NPAS3: variants seen among roughly 807,000 people sequenced by gnomAD.
The protein encoded by NPAS3 is neuronal PAS domain protein 3.
Under a neutral mutation model 73.1 loss-of-function variants are expected in NPAS3, and 14 were observed. That is an observed-to-expected ratio of 0.19 (90% confidence interval 0.13 to 0.30). The LOEUF (loss-of-function observed/expected upper bound fraction) is 0.30. Among genes scored for constraint, NPAS3 ranks in the 10% least tolerant of loss-of-function variants. The pLI, the probability that NPAS3 is intolerant of heterozygous loss-of-function variation, is 1.00. For missense variants in NPAS3, 1,096 were observed against 1,250.0 expected, an observed-to-expected ratio of 0.88 and a Z score of 1.86; for synonymous variants, 620 against 541.5, an observed-to-expected ratio of 1.14 and a Z score of -2.01.
Position 33,367,189 on chromosome 14 carries a change from T to C in NPAS3, c.389T>C (p.Ile130Thr), listed in dbSNP as rs1487669548. ...CTTTCTTTCTTTTTCTTTTAAGTTATAGGTGCACAGCGAAGGAGAAGCCCC... is the reference window on the plus strand; with the variant it reads ...CTTTCTTTCTTTTTCTTTTAAGTTACAGGTGCACAGCGAAGGAGAAGCCCC... Residue 130 changes from isoleucine (I) to threonine (T), a missense_variant, in exon 4 of 12, where the codon ATA (isoleucine) becomes ACA (threonine). Coordinates refer to ENST00000356141, the Ensembl canonical transcript of NPAS3. 5 of 853,268 alleles carry C rather than the reference T, an allele frequency of 5.9e-6. No homozygotes were observed. The South Asian group carries it at 6.9e-5, about 12-fold the overall frequency. The allele number at this position is 853,268 out of a possible 1,614,324, so 52.9% of individuals were successfully genotyped here. A position where few individuals can be genotyped will look rare whatever the true frequency, so the allele number is the denominator to read the frequency against.
chr14:33,237,795 A>G (rs1425434234), intron 3 of NPAS3, among the ~76,000 whole-genome samples: 2 of 151,924 alleles, frequency 1.3e-5, no homozygotes, highest in African/African-American at 4.8e-5. Context: ...CTTAATGCAC[A>G]GGTATTTACA....
At position 33,409,788 on chromosome 14, in the gene NPAS3, A is replaced by T. The variant is rs192703759; in HGVS notation, c.468+42520A>T. 2.0e-5 allele frequency among the ~76,000 whole-genome samples: 3 copies of T among 152,310 alleles called. No homozygotes were observed. The East Asian group carries it at 5.8e-4, about 29-fold the overall frequency. ...GAGAAGAGTAAGAATGTAGTCTTCT[A>T]GTGACTACGAGAATATGGAATTTCA... On this transcript the variant is annotated intron_variant, in intron 4 of 11. Coordinates refer to ENST00000356141, the Ensembl canonical transcript of NPAS3.
intron 1 of NPAS3, among the ~76,000 whole-genome samples, chr14:32,989,189 T>C (rs1361705755): frequency 6.6e-6 from 1 of 152,090 alleles, no homozygotes; most frequent in African/African-American, 2.4e-5. Context: ...ACCCTTTAAG[T>C]CTTGAAGAAT....
intron 2 of NPAS3, among the ~76,000 whole-genome samples, chr14:33,101,431 A>C (rs1211798853): frequency 6.6e-6 from 1 of 152,206 alleles, no homozygotes; most frequent in Non-Finnish European, 1.5e-5. Flanking sequence ...ACTTGTAGTA[A>C]ACCCTGACTA....
At chr14:33,209,321 ATTTGATTGAC>A (rs1196510720) in intron 2 of NPAS3, among the ~76,000 whole-genome samples, 1 of 152,114 alleles carries the variant, frequency 6.6e-6, no homozygotes, top group Middle Eastern at 3.2e-3. Context: ...AAGTCAGCTG[ATTTGATTGAC>A]TTTGAGCTCT....
At chr14:33,740,010 T>G (rs2061617380) in intron 7 of NPAS3, among the ~76,000 whole-genome samples, 1 of 152,178 alleles carries the variant, frequency 6.6e-6, no homozygotes, top group Non-Finnish European at 1.5e-5. Context: ...TCCCTTCTCT[T>G]CTGTGCTAAA....
chr14:33,185,266 A>G (rs2045940151), intron 2 of NPAS3, among the ~76,000 whole-genome samples: 1 of 152,086 alleles, frequency 6.6e-6, no homozygotes, highest in Admixed American at 6.5e-5. Flanking sequence ...CTTATCCCAT[A>G]TTTGTGGCGT....
At chr14:33,570,942 C>T (rs1289049593) in intron 5 of NPAS3, among the ~76,000 whole-genome samples, 1 of 152,176 alleles carries the variant, frequency 6.6e-6, no homozygotes, top group African/African-American at 2.4e-5. Flanking sequence ...GCATCAGCTT[C>T]CAAGTCACAA....
At position 33,759,831 on chromosome 14, in the gene NPAS3, G is replaced by A. The variant is rs568542778; in HGVS notation, c.853-14506G>A. 9.2e-5 allele frequency among the ~76,000 whole-genome samples: 14 copies of A among 152,212 alleles called. No homozygotes were observed. In the East Asian group the frequency reaches 2.5e-3, roughly 27 times the overall value. On this transcript the variant is annotated intron_variant, in intron 7 of 11. Coordinates refer to ENST00000356141, the Ensembl canonical transcript of NPAS3. Reference sequence around the variant, plus strand: ...GTGGATTAAAAAGAAATCAAAGATCGCAACATGCACATCACAAATTTCTCC... The same window carrying A: ...GTGGATTAAAAAGAAATCAAAGATCACAACATGCACATCACAAATTTCTCC...
chr14:33,111,616 A>G (rs956194879), intron 2 of NPAS3, among the ~76,000 whole-genome samples: 1 of 151,238 alleles, frequency 6.6e-6, no homozygotes, highest in East Asian at 2.0e-4. Flanking sequence ...ATTTAAAAAA[A>G]TACATTATTG....
rs548308629 is a variant in NPAS3 at position 33,800,785 on chromosome 14, G to A, written c.2478G>A (p.Thr826=). ...CGGCCGCGCAGAGGGTCTACACCAC[G>A]GGCACCATCCGCTACGCGCCCGCCG... Residue 826 remains threonine (T), a synonymous_variant, in exon 12 of 12, where the codon ACG becomes ACA. Coordinates refer to ENST00000356141, the Ensembl canonical transcript of NPAS3. The surrounding 1 kb of genome is among the most constrained non-coding windows in gnomAD (Gnocchi z 6.5). 94 of 1,584,192 alleles carry A rather than the reference G, an allele frequency of 5.9e-5. No individual in the cohort carries two copies. The highest frequency in any genetic ancestry group is 7.5e-5 in the Non-Finnish European group (87 of 1,166,626).
At position 33,555,047 on chromosome 14, in the gene NPAS3, T is replaced by C. The variant is rs569375095; in HGVS notation, c.469-5074T>C. Among the ~76,000 whole-genome samples, 7 of 152,290 alleles carry C rather than the reference T, an allele frequency of 4.6e-5. No homozygotes were observed. The South Asian group carries it at 1.4e-3, about 32-fold the overall frequency. The stretch of plus-strand genomic sequence containing the variant: ...CAGAGATGCTGTAACTCCTGACTTC[T>C]GTATCCAAGCCTCACTTCTTGCATG... On this transcript the variant is annotated intron_variant, in intron 4 of 11. Coordinates refer to ENST00000356141, the Ensembl canonical transcript of NPAS3.
At chr14:33,562,899 G>GCACACACA (rs56063953) in intron 5 of NPAS3, among the ~76,000 whole-genome samples, 66,566 of 149,668 alleles carry the variant, frequency 0.44, 15,956 homozygotes, top group East Asian at 0.6. Flanking sequence ...TCTTTTATGA[G>GCACACACA]CACACACACA....
At chr14:33,166,236 G>A (rs759974342) in intron 2 of NPAS3, among the ~76,000 whole-genome samples, 1 of 152,078 alleles carries the variant, frequency 6.6e-6, no homozygotes, top group Non-Finnish European at 1.5e-5. Context: ...TTTTCATTTG[G>A]CACTGGGCTT....
chr14:33,150,111 T>A (rs1252553868), intron 2 of NPAS3, among the ~76,000 whole-genome samples: 1 of 152,220 alleles, frequency 6.6e-6, no homozygotes, highest in Non-Finnish European at 1.5e-5. Flanking sequence ...GCAAAGGACA[T>A]GAACTCATCC....
intron 1 of NPAS3, among the ~76,000 whole-genome samples, chr14:33,001,329 T>G (rs142832102): frequency 3.5e-4 from 53 of 152,280 alleles, no homozygotes; most frequent in African/African-American, 1.3e-3. Flanking sequence ...TGTCCCCACC[T>G]CCATGCAAGA....
At chr14:32,983,105 T>G (rs1287377217) in intron 1 of NPAS3, among the ~76,000 whole-genome samples, 1 of 152,154 alleles carries the variant, frequency 6.6e-6, no homozygotes, top group Non-Finnish European at 1.5e-5. Flanking sequence ...AGTAGCATAT[T>G]GCCATCATAC....
At chr14:33,547,294 A>T (rs1158042805) in intron 4 of NPAS3, among the ~76,000 whole-genome samples, 15 of 152,180 alleles carry the variant, frequency 9.9e-5, no homozygotes, top group Non-Finnish European at 1.5e-5. Context: ...ACAATAAAAC[A>T]AATCTGACTT....
In NPAS3 at chr14:33,604,248, C is replaced by T. The variant is rs143881195; in HGVS notation, c.558+44038C>T. Among the ~76,000 whole-genome samples the T allele has an allele frequency of 7.7e-3, 1,173 of 151,782 alleles. 16 individuals are homozygous for T. Among genetic ancestry groups the T allele is most frequent in the African/African-American group, 0.027 (1,106 of 41,406 alleles). Reference sequence around the variant, plus strand: ...TGTCAGATTATATAAGCAAGCAAGACCCAATATGTGGCCTACAAGACATAT... The same window carrying T: ...TGTCAGATTATATAAGCAAGCAAGATCCAATATGTGGCCTACAAGACATAT... On this transcript the variant is annotated intron_variant, in intron 5 of 11. Transcript: ENST00000356141.
Sources: allele counts gnomAD v4.1 joint callset (sites outside exome capture counted in the v4.1 genomes callset), GRCh38; gene constraint gnomAD v4.1.1; non-coding constraint Gnocchi (gnomAD v3.1); transcripts MANE v1.5; gene names NCBI Gene and HGNC (gene_info 2026-07-23, HGNC 2026-07-21).